NEK7: variants seen among roughly 807,000 people sequenced by gnomAD.
NEK7 encodes NIMA related kinase 7.
A neutral mutation model predicts 44.6 loss-of-function variants in NEK7; 18 were observed. That is an observed-to-expected ratio of 0.40 (90% CI 0.28 to 0.60). NEK7 has a LOEUF of 0.60. NEK7 is among the 20% of genes least tolerant of loss of function. The pLI is 0.38. For missense variants in NEK7, 256 were observed against 366.5 expected, an observed-to-expected ratio of 0.70 and a Z score of 2.46; for synonymous variants, 130 against 121.1, an observed-to-expected ratio of 1.07 and a Z score of -0.48.
At chr1:198,265,994 C>T (rs956378431) in intron 5 of NEK7, among the ~76,000 whole-genome samples, 9 of 151,882 alleles carry the variant, frequency 5.9e-5, no homozygotes, top group Admixed American at 2.0e-4. Flanking sequence ...CTTTTTCTCC[C>T]TCACTCCCAT....
At chr1:198,210,737 A>ATTTTTT (rs1553250015) in intron 1 of NEK7, among the ~76,000 whole-genome samples, 2 of 52,404 alleles carry the variant, frequency 3.8e-5, no homozygotes, top group Non-Finnish European at 8.0e-5. Flanking sequence ...TTCAATTTGT[A>ATTTTTT]TTTCTTTTTT....
intron 2 of NEK7, among the ~76,000 whole-genome samples, chr1:198,240,494 C>T (rs1217539147): frequency 8.8e-5 from 10 of 114,062 alleles, no homozygotes; most frequent in Admixed American, 3.8e-4. Flanking sequence ...AGTGAGACTC[C>T]GTCTCAAAAA....
intron 1 of NEK7, among the ~76,000 whole-genome samples, chr1:198,198,809 C>T (rs1191055105): frequency 6.6e-6 from 1 of 152,210 alleles, no homozygotes; most frequent in Non-Finnish European, 1.5e-5. Flanking sequence ...CGTCGGTAGC[C>T]CCCAGCAAAA....
intron 7 of NEK7, among the ~76,000 whole-genome samples, chr1:198,281,058 A>C (rs914154292): frequency 6.6e-6 from 1 of 151,944 alleles, no homozygotes; most frequent in Non-Finnish European, 1.5e-5. Flanking sequence ...AGCATAGTGC[A>C]TTGAATACAA....
chr1:198,213,978 C>T (rs1041156251), intron 1 of NEK7, among the ~76,000 whole-genome samples: 1 of 152,142 alleles, frequency 6.6e-6, no homozygotes, highest in African/African-American at 2.4e-5. Context: ...GAGACCTCTG[C>T]TATTCTGGCC....
intron 1 of NEK7, among the ~76,000 whole-genome samples, chr1:198,176,920 C>G (rs1417026711): frequency 1.3e-5 from 2 of 151,950 alleles, no homozygotes; most frequent in African/African-American, 4.8e-5. Context: ...GGATATTAGG[C>G]AGAAAGATGC....
intron 2 of NEK7, among the ~76,000 whole-genome samples, chr1:198,251,489 G>A (rs1181565236): frequency 1.3e-5 from 2 of 150,588 alleles, no homozygotes; most frequent in African/African-American, 2.5e-5. Context: ...GAATTCGGCT[G>A]TAAATCCATC....
At chr1:198,301,968 A>C (rs1261076238) in intron 9 of NEK7, among the ~76,000 whole-genome samples, 2 of 152,238 alleles carry the variant, frequency 1.3e-5, no homozygotes, top group Non-Finnish European at 2.9e-5. Context: ...ATTTTCAAAA[A>C]CTTGATAGTT....
At chr1:198,182,666 T>C (rs1664802344) in intron 1 of NEK7, among the ~76,000 whole-genome samples, 1 of 152,190 alleles carries the variant, frequency 6.6e-6, no homozygotes, top group African/African-American at 2.4e-5. Flanking sequence ...TTCAAACTCT[T>C]TGTTCTTTGT....
chr1:198,183,852 G>A (rs950713059), intron 1 of NEK7, among the ~76,000 whole-genome samples: 5 of 152,196 alleles, frequency 3.3e-5, no homozygotes, highest in Admixed American at 6.5e-5. Context: ...ATGGTCTAAT[G>A]TCATTCATAA....
At chr1:198,186,060 G>A (rs965077880) in intron 1 of NEK7, among the ~76,000 whole-genome samples, 5 of 152,160 alleles carry the variant, frequency 3.3e-5, no homozygotes, top group Admixed American at 2.6e-4. Flanking sequence ...TGACTAGCTG[G>A]AAGATTTATG....
At chr1:198,206,837 G>A (rs766327889) in intron 1 of NEK7, 3 of 151,980 alleles carry the variant, frequency 2.0e-5, no homozygotes, top group African/African-American at 7.2e-5. Context: ...CTATTGATTA[G>A]TTAATAACCA....
At chr1:198,275,054 A>G (rs1653973188) in intron 5 of NEK7, among the ~76,000 whole-genome samples, 1 of 151,700 alleles carries the variant, frequency 6.6e-6, no homozygotes, top group African/African-American at 2.4e-5. Flanking sequence ...ACATACTTTT[A>G]TATGTAAATT....
chr1:198,314,769 T>G (rs912598362), intron 9 of NEK7, among the ~76,000 whole-genome samples: 7 of 152,176 alleles, frequency 4.6e-5, no homozygotes, highest in African/African-American at 1.7e-4. Context: ...AGAGACCCAC[T>G]TGAGGAGGCA....
At chr1:198,218,515 A>G (rs1052651095) in intron 1 of NEK7, among the ~76,000 whole-genome samples, 8 of 151,930 alleles carry the variant, frequency 5.3e-5, no homozygotes, top group Non-Finnish European at 1.2e-4. Context: ...ATCTAGGTAA[A>G]GAATTTATGA....
chr1:198,159,171 C>T (rs1431749355), intron 1 of NEK7, among the ~76,000 whole-genome samples: 1 of 152,248 alleles, frequency 6.6e-6, no homozygotes, highest in African/African-American at 2.4e-5. Context: ...AATGCGCAGC[C>T]AGGACCTCGC....
intron 1 of NEK7, among the ~76,000 whole-genome samples, chr1:198,209,531 A>G (rs890670365): frequency 2.0e-5 from 3 of 152,236 alleles, no homozygotes; most frequent in African/African-American, 7.2e-5. Flanking sequence ...GATAATGATA[A>G]GAATAATATC....
intron 1 of NEK7, among the ~76,000 whole-genome samples, chr1:198,231,603 T>C (rs1666401341): frequency 6.6e-6 from 1 of 151,776 alleles, no homozygotes; most frequent in Non-Finnish European, 1.5e-5. Flanking sequence ...CACAAAGCAT[T>C]AATCATAAAG....
chr1:198,222,915 C>T (rs1176570762), intron 1 of NEK7, among the ~76,000 whole-genome samples: 2 of 151,966 alleles, frequency 1.3e-5, no homozygotes, highest in Non-Finnish European at 2.9e-5. Context: ...ACTACTTTGG[C>T]GAGGGCAGTT....
Sources: allele counts gnomAD v4.1 joint callset (sites outside exome capture counted in the v4.1 genomes callset), GRCh38; gene constraint gnomAD v4.1.1; transcripts MANE v1.5; gene names NCBI Gene and HGNC (gene_info 2026-07-23, HGNC 2026-07-21).